The following ZNF609 variants were observed in gnomAD, a reference collection of about 807,000 sequenced individuals.
ZNF609 encodes zinc finger protein 609.
A neutral mutation model predicts 109.5 loss-of-function variants in ZNF609; 11 were observed. The ratio of observed to expected loss-of-function variants is 0.10; its 90% CI spans 0.06 to 0.17. The LOEUF is 0.17. ZNF609 is among the 10% of genes least tolerant of loss of function. ZNF609 has a pLI of 1.00. For synonymous variants in ZNF609, 646 were observed against 662.0 expected (o/e 0.98, Z 0.37); for missense variants, 1,559 against 1,772.4 (o/e 0.88, Z 2.16).
In ZNF609 at chr15:64,679,011, G is replaced by T. The variant is rs182347796; in HGVS notation, c.3769+529G>T. Among the ~76,000 whole-genome samples, 94 of 152,316 alleles carry T rather than the reference G, an allele frequency of 6.2e-4. 1 individual carries two copies. Among genetic ancestry groups the T allele is most frequent in the African/African-American group, 2.2e-3 (90 of 41,566 alleles). ...AGAAGAGCCATCTGAAGTCAGACTG[G>T]GGGGAGGTCCTGCTAGATTCAGCTT... is the stretch of plus-strand genomic sequence containing the variant. On this transcript the variant is annotated intron_variant, in intron 6 of 9. Transcript: ENST00000326648.
chr15:64,655,242 G>A (rs939930855), intron 3 of ZNF609, among the ~76,000 whole-genome samples: 4 of 150,922 alleles, frequency 2.7e-5, no homozygotes, highest in Non-Finnish European at 5.9e-5. Context: ...TCGGGAGTTC[G>A]AGACCAGCCT....
At chr15:64,465,189 G>A (rs1892997452) in intron 1 of ZNF609, among the ~76,000 whole-genome samples, 1 of 152,174 alleles carries the variant, frequency 6.6e-6, no homozygotes, top group Non-Finnish European at 1.5e-5. Flanking sequence ...TTTCAGTATG[G>A]TGAAAAAGAT....
intron 4 of ZNF609, among the ~76,000 whole-genome samples, chr15:64,672,847 C>G (rs918798269): frequency 2.6e-5 from 4 of 151,272 alleles, no homozygotes; most frequent in Admixed American, 6.6e-5. Context: ...GCCTGTAACC[C>G]CAGCTACTCG....
chr15:64,678,947 C>G (rs1896843664), intron 6 of ZNF609, among the ~76,000 whole-genome samples: 1 of 152,218 alleles, frequency 6.6e-6, no homozygotes, highest in African/African-American at 2.4e-5. Flanking sequence ...CATAACAATG[C>G]ATGGATTCAG....
At chr15:64,556,731 TAC>T (rs1040314913) in intron 2 of ZNF609, among the ~76,000 whole-genome samples, 8 of 152,328 alleles carry the variant, frequency 5.3e-5, no homozygotes, top group Non-Finnish European at 1.0e-4. Context: ...GGTTGTTATA[TAC>T]AGTGTTTACC....
chr15:64,485,635 T>A (rs1893321650), intron 1 of ZNF609, among the ~76,000 whole-genome samples: 1 of 151,748 alleles, frequency 6.6e-6, no homozygotes. Context: ...AGACCCTGTC[T>A]ACAAAATTTT....
At chr15:64,598,381 G>T (rs912457375) in intron 2 of ZNF609, among the ~76,000 whole-genome samples, 1 of 152,170 alleles carries the variant, frequency 6.6e-6, no homozygotes, top group African/African-American at 2.4e-5. Flanking sequence ...CTCCAAAAGT[G>T]CTGGGACTAC....
chr15:64,529,021 C>T, intron 2 of ZNF609: 1 of 1,497,528 alleles, frequency 6.7e-7, no homozygotes, highest in African/African-American at 1.4e-5. Context: ...GATGACCTTA[C>T]CCACAGGCTT....
At chr15:64,498,932 A>G (rs1332662208) in intron 1 of ZNF609, among the ~76,000 whole-genome samples, 1 of 152,176 alleles carries the variant, frequency 6.6e-6, no homozygotes, top group African/African-American at 2.4e-5. Flanking sequence ...GTTGTGCTAG[A>G]GCTTGCATCT....
intron 2 of ZNF609, chr15:64,593,336 T>C: frequency 7.8e-7 from 1 of 1,288,724 alleles, no homozygotes; most frequent in Non-Finnish European, 1.1e-6. Flanking sequence ...AGGAGGTGAG[T>C]TCTTAAAGAC....
chr15:64,617,616 C>T (rs949303519), intron 2 of ZNF609, among the ~76,000 whole-genome samples: 5 of 150,906 alleles, frequency 3.3e-5, no homozygotes, highest in African/African-American at 9.8e-5. Context: ...CCAGTCTCTA[C>T]TAAAAATAGA....
intron 3 of ZNF609, among the ~76,000 whole-genome samples, chr15:64,632,900 G>A (rs2140984089): frequency 6.6e-6 from 1 of 151,276 alleles, no homozygotes; most frequent in African/African-American, 2.4e-5. Flanking sequence ...AGTCTCCCAA[G>A]TAGCTGGGAC....
At position 64,623,121 on chromosome 15, in the gene ZNF609, T is replaced by C. The variant is rs1245860254; in HGVS notation, c.973+69T>C. Reference sequence around the variant, plus strand: ...CTGCAGGGGAGCCACCAGGGACTTATTGTTGTAAATATTACCAAGTGGTTA... The same window carrying C: ...CTGCAGGGGAGCCACCAGGGACTTACTGTTGTAAATATTACCAAGTGGTTA... On this transcript the variant is annotated intron_variant, in intron 3 of 9. Coordinates refer to ENST00000326648, the MANE Select transcript of ZNF609 (RefSeq NM_015042.2). 10 of 1,464,296 alleles carry C rather than the reference T, an allele frequency of 6.8e-6. No individual in the cohort carries two copies. In the African/African-American group the frequency reaches 7.0e-5, roughly 10 times the overall value. The allele number at this position is 1,464,296 out of a possible 1,614,324, so 90.7% of individuals were successfully genotyped here. A position where few individuals can be genotyped will look rare whatever the true frequency, so the allele number is the denominator to read the frequency against.
chr15:64,651,357 A>C (rs1194311548), intron 3 of ZNF609, among the ~76,000 whole-genome samples: 1 of 152,188 alleles, frequency 6.6e-6, no homozygotes, highest in Non-Finnish European at 1.5e-5. Flanking sequence ...ATACCACAAA[A>C]CAGCATAAGA....
rs532434195 is a variant in ZNF609, at chr15:64,486,448, C to T, written c.-127-12845C>T. 4.3e-3 allele frequency among the ~76,000 whole-genome samples: 656 copies of T among 150,884 alleles called. 2 individuals are homozygous for T. Among genetic ancestry groups the T allele is most frequent in the Non-Finnish European group, 7.5e-3 (507 of 67,844 alleles). On this transcript the variant is annotated intron_variant, in intron 1 of 9. Coordinates refer to ENST00000326648, the MANE Select transcript of ZNF609 (RefSeq NM_015042.2). ...CTGAGGTAGGAGAATCACTTGAACC[C>T]GGGAGGTGGAGGTTTCAGTGAGCTG...
At chr15:64,642,400 G>T (rs1896274611) in intron 3 of ZNF609, among the ~76,000 whole-genome samples, 1 of 152,010 alleles carries the variant, frequency 6.6e-6, no homozygotes, top group South Asian at 2.1e-4. Flanking sequence ...GACCAGACTG[G>T]TTTCAAGCTC....
intron 1 of ZNF609, among the ~76,000 whole-genome samples, chr15:64,466,330 C>A (rs1007958741): frequency 1.3e-5 from 2 of 152,216 alleles, no homozygotes; most frequent in Admixed American, 1.3e-4. Flanking sequence ...TATTTTCTGA[C>A]CTTTTTAGTG....
intron 1 of ZNF609, among the ~76,000 whole-genome samples, chr15:64,466,846 T>C (rs1893022058): frequency 6.6e-6 from 1 of 152,018 alleles, no homozygotes; most frequent in Non-Finnish European, 1.5e-5. Flanking sequence ...CCTGAAGACT[T>C]CTCTAGCAGC....
chr15:64,678,040 T>C (rs1896831360), intron 5 of ZNF609, 76 bp from the exon 6 acceptor site: 4 of 1,536,988 alleles, frequency 2.6e-6, no homozygotes, highest in Non-Finnish European at 3.5e-6. Flanking sequence ...CTCTGGTGGT[T>C]CTACTGGGAC....
Sources: allele counts gnomAD v4.1 joint callset (sites outside exome capture counted in the v4.1 genomes callset), GRCh38; gene constraint gnomAD v4.1.1; transcripts MANE v1.5; gene names NCBI Gene and HGNC (gene_info 2026-07-23, HGNC 2026-07-21).